CUX1: variants seen among roughly 807,000 people sequenced by gnomAD.
The protein encoded by CUX1 is protein CASP.
Under a neutral mutation model 158.8 loss-of-function variants are expected in CUX1, and 31 were observed. That is an observed-to-expected ratio of 0.20 (90% confidence interval 0.15 to 0.26). The LOEUF (loss-of-function observed/expected upper bound fraction) is 0.26. Among genes scored for constraint, CUX1 ranks in the 10% least tolerant of loss-of-function variants. The pLI, the probability that CUX1 is intolerant of heterozygous loss-of-function variation, is 1.00. For missense variants in CUX1, 1,589 were observed against 2,014.6 expected, an observed-to-expected ratio of 0.79 and a Z score of 4.04; for synonymous variants, 879 against 862.1, an observed-to-expected ratio of 1.02 and a Z score of -0.34.
chr7:102,000,710 A>G (rs1816588933), intron 2 of CUX1, among the ~76,000 whole-genome samples: 1 of 152,158 alleles, frequency 6.6e-6, no homozygotes, highest in Non-Finnish European at 1.5e-5. Flanking sequence ...GTTGGGTTTT[A>G]TGTGCAGGAA....
intron 7 of CUX1, among the ~76,000 whole-genome samples, chr7:102,114,376 A>T (rs1368961533): frequency 1.3e-5 from 2 of 152,132 alleles, no homozygotes; most frequent in Non-Finnish European, 2.9e-5. Flanking sequence ...CCAGGGTTCA[A>T]GTGATTCTCC....
chr7:102,253,453 C>T lies in CUX1; in HGVS notation c.*4411C>T. 4.1e-6 allele frequency: 4 copies of T among 985,494 alleles called. No individual in the cohort carries two copies. Among genetic ancestry groups the T allele is most frequent in the Non-Finnish European group, 4.8e-6 (4 of 829,952 alleles). The allele number at this position is 985,494 out of a possible 1,614,324, so 61.0% of individuals were successfully genotyped here. ...GGTGAGCTCTCTGACGGGCAGGTGC[C>T]TTCCCGACTAAGGTTGGACTGGATG... On this transcript the variant is annotated 3_prime_UTR_variant, in exon 24 of 24. Coordinates refer to ENST00000292535, the MANE Select transcript of CUX1 (RefSeq NM_181552.4).
intron 1 of CUX1, among the ~76,000 whole-genome samples, chr7:101,851,538 C>G (rs1375459479): frequency 6.6e-6 from 1 of 152,206 alleles, no homozygotes. Context: ...ACAAGATCTT[C>G]TTTATTCTGT....
chr7:102,084,832 A>G (rs1046097821), intron 4 of CUX1, among the ~76,000 whole-genome samples: 1 of 143,810 alleles, frequency 7.0e-6, no homozygotes, highest in Non-Finnish European at 1.5e-5. Flanking sequence ...TTTCTGATCT[A>G]TAATGCTGTA....
intron 2 of CUX1, among the ~76,000 whole-genome samples, chr7:101,963,576 C>T (rs755451191): frequency 2.0e-5 from 3 of 152,184 alleles, no homozygotes; most frequent in Non-Finnish European, 4.4e-5. Context: ...CTGATCCAGT[C>T]ACTCAACAGC....
At chr7:102,096,993 C>T (rs1829267223) in intron 4 of CUX1, among the ~76,000 whole-genome samples, 1 of 152,250 alleles carries the variant, frequency 6.6e-6, no homozygotes, top group African/African-American at 2.4e-5. Context: ...TGTCCGTCCT[C>T]CACGTGCAGC....
At chr7:101,998,512 C>T (rs1214389479) in intron 2 of CUX1, among the ~76,000 whole-genome samples, 2 of 152,192 alleles carry the variant, frequency 1.3e-5, no homozygotes, top group African/African-American at 4.8e-5. Context: ...GCAGGACAGC[C>T]GGCAGGGCAT....
chr7:101,945,894 C>T (rs1476953469), intron 2 of CUX1, among the ~76,000 whole-genome samples: 11 of 152,136 alleles, frequency 7.2e-5, no homozygotes, highest in South Asian at 2.1e-4. Context: ...CAGCCAAGGC[C>T]GGGGACACCA....
intron 4 of CUX1, among the ~76,000 whole-genome samples, chr7:102,076,758 C>G (rs1554476796): frequency 1.3e-5 from 2 of 151,732 alleles, no homozygotes; most frequent in Non-Finnish European, 2.9e-5. Context: ...GGTGCAGTGG[C>G]TCACACCTGT....
At chr7:101,984,830 T>A (rs1169653406) in intron 2 of CUX1, among the ~76,000 whole-genome samples, 1 of 152,204 alleles carries the variant, frequency 6.6e-6, no homozygotes, top group Non-Finnish European at 1.5e-5. Context: ...GGCAAACAGT[T>A]TTGCAAGGTA....
At chr7:101,936,893 A>G (rs1428925235) in intron 2 of CUX1, among the ~76,000 whole-genome samples, 4 of 152,192 alleles carry the variant, frequency 2.6e-5, no homozygotes, top group South Asian at 2.1e-4. Context: ...TTTTCCTAAC[A>G]TGGCTAATCA....
intron 1 of CUX1, among the ~76,000 whole-genome samples, chr7:101,879,885 G>A (rs1014487750): frequency 6.6e-6 from 1 of 152,218 alleles, no homozygotes; most frequent in African/African-American, 2.4e-5. Context: ...ACAGGGGACC[G>A]CAGAGTCACA....
At chr7:102,111,121 T>C (rs1830836894) in intron 6 of CUX1, among the ~76,000 whole-genome samples, 2 of 151,990 alleles carry the variant, frequency 1.3e-5, no homozygotes, top group South Asian at 4.2e-4. Flanking sequence ...TTCCCCCAGA[T>C]TAAGAGGAAG....
chr7:102,090,688 CT>C (rs34834342), intron 4 of CUX1, among the ~76,000 whole-genome samples: 3,084 of 136,498 alleles, frequency 0.023, 103 homozygotes, highest in African/African-American at 0.073. Context: ...CACCCCGCCT[CT>C]TTTTTTTTTT....
At chr7:102,154,908 C>G (rs534266623) in intron 8 of CUX1, among the ~76,000 whole-genome samples, 1 of 152,198 alleles carries the variant, frequency 6.6e-6, no homozygotes, top group South Asian at 2.1e-4. Flanking sequence ...ACTCACCAGC[C>G]GGACCAGTCC....
chr7:102,043,480 T>G (rs986264767), intron 3 of CUX1, among the ~76,000 whole-genome samples: 1 of 152,136 alleles, frequency 6.6e-6, no homozygotes, highest in African/African-American at 2.4e-5. Flanking sequence ...CTTTTCTTGC[T>G]TAAGTAAAAC....
intron 4 of CUX1, among the ~76,000 whole-genome samples, chr7:102,071,137 A>G (rs1020886239): frequency 3.9e-5 from 6 of 151,916 alleles, no homozygotes; most frequent in African/African-American, 1.5e-4. Flanking sequence ...TTTTTGTACA[A>G]TGAGTGCGAT....
intron 2 of CUX1, among the ~76,000 whole-genome samples, chr7:101,991,530 G>A (rs1165360863): frequency 6.6e-6 from 1 of 152,128 alleles, no homozygotes; most frequent in Non-Finnish European, 1.5e-5. Context: ...TGACCGAGGG[G>A]GGTGGATCAC....
intron 8 of CUX1, among the ~76,000 whole-genome samples, chr7:102,119,229 G>A (rs782742877): frequency 1.4e-4 from 21 of 152,170 alleles, no homozygotes; most frequent in Non-Finnish European, 2.9e-4. Flanking sequence ...GCATCACCAC[G>A]ACGGACTGGG....
Sources: allele counts gnomAD v4.1 joint callset (sites outside exome capture counted in the v4.1 genomes callset), GRCh38; gene constraint gnomAD v4.1.1; transcripts MANE v1.5; gene names NCBI Gene and HGNC (gene_info 2026-07-23, HGNC 2026-07-21).